PDE4DIP: variants seen among roughly 807,000 people sequenced by gnomAD.
The protein encoded by PDE4DIP is phosphodiesterase 4D interacting protein, also known as myomegalin.
Under a neutral mutation model 221.4 loss-of-function variants are expected in PDE4DIP, and 59 were observed. The observed-to-expected ratio is 0.27, with a 90% CI of 0.22 to 0.33. The LOEUF (loss-of-function observed/expected upper bound fraction) is 0.33. Among genes scored for constraint, PDE4DIP ranks in the 10% least tolerant of loss-of-function variants. PDE4DIP has a pLI of 1.00. For synonymous variants in PDE4DIP, 404 were observed against 815.9 expected (o/e 0.50, Z 8.60); for missense variants, 1,036 against 2,154.2 (o/e 0.48, Z 10.28).
At chr1:148,952,352 C>T (rs4556305) in intron 5 of PDE4DIP, 5 of 1,058,134 alleles carry the variant, frequency 4.7e-6, no homozygotes, top group Admixed American at 5.5e-5. Flanking sequence ...GACGCGAAGC[C>T]GCTGGCGCCA....
chr1:148,950,486 T>C (rs1353161109), intron 5 of PDE4DIP, among the ~76,000 whole-genome samples: 2 of 152,292 alleles, frequency 1.3e-5, no homozygotes, highest in African/African-American at 4.8e-5. Context: ...TGCATTGCTA[T>C]ACATACTTGA....
chr1:148,950,482 G>A (rs1262197008), intron 5 of PDE4DIP, among the ~76,000 whole-genome samples: 1 of 152,274 alleles, frequency 6.6e-6, no homozygotes, highest in Admixed American at 6.5e-5. Flanking sequence ...TTCTTGCATT[G>A]CTATACATAC....
At chr1:148,951,612 G>A (rs1289622315) in intron 5 of PDE4DIP, among the ~76,000 whole-genome samples, 1 of 151,932 alleles carries the variant, frequency 6.6e-6, no homozygotes, top group Non-Finnish European at 1.5e-5. Context: ...CTCTACCTGA[G>A]GGAAAGGGAC....
intron 35 of PDE4DIP, among the ~76,000 whole-genome samples, 162 bp from the exon 39 acceptor site, chr1:149,019,985 C>A (rs1397370277): frequency 6.6e-6 from 1 of 152,186 alleles, no homozygotes; most frequent in Non-Finnish European, 1.5e-5. Flanking sequence ...GCACCATGCT[C>A]CAGGCTCTGG....
intron 27 of PDE4DIP, chr1:149,006,598 G>A (rs1461746790): frequency 1.3e-5 from 2 of 151,472 alleles, no homozygotes; most frequent in African/African-American, 4.9e-5. Context: ...TGTGATACTG[G>A]TGCTGTAAGG....
chr1:148,972,781 G>C (rs2059448981), intron 16 of PDE4DIP, among the ~76,000 whole-genome samples, 189 bp downstream of exon 19: 1 of 151,990 alleles, frequency 6.6e-6, no homozygotes, highest in African/African-American at 2.4e-5. Context: ...TGATTGCTCT[G>C]GGTTCACAAT....
At chr1:148,941,378 C>A in intron 5 of PDE4DIP, among the ~76,000 whole-genome samples, 2 of 94,910 alleles carry the variant, frequency 2.1e-5, no homozygotes, top group Admixed American at 1.1e-4. Flanking sequence ...ATCGATGTTA[C>A]CAAAAATAAG....
intron 5 of PDE4DIP, among the ~76,000 whole-genome samples, chr1:148,958,397 G>A (rs1553504733): frequency 6.6e-6 from 1 of 152,038 alleles, no homozygotes; most frequent in Non-Finnish European, 1.5e-5. Flanking sequence ...CAAAACTTCT[G>A]TATGATTACC....
chr1:148,987,734 A>G (rs587770627), intron 21 of PDE4DIP, among the ~76,000 whole-genome samples: 17 of 152,120 alleles, frequency 1.1e-4, no homozygotes, highest in Admixed American at 2.6e-4. Flanking sequence ...AATTGGGGGG[A>G]AATGGTCTTG....
intron 5 of PDE4DIP, among the ~76,000 whole-genome samples, chr1:148,949,715 C>G (rs148687267): frequency 6.6e-6 from 1 of 152,036 alleles, no homozygotes; most frequent in Non-Finnish European, 1.5e-5. Context: ...TATCTACATA[C>G]CAGTGATCTT....
chr1:149,032,095 A>T (rs782231612), exon 44 of PDE4DIP: 5 of 1,600,126 alleles, frequency 3.1e-6, no homozygotes, highest in Non-Finnish European at 4.3e-6. Context: ...GCTGAGGAGC[A>T]TCTGGGCCTC....
intron 21 of PDE4DIP, chr1:148,990,515 G>T: frequency 8.5e-6 from 2 of 234,114 alleles, no homozygotes; most frequent in Non-Finnish European, 1.4e-5. Context: ...ATAAAGATCA[G>T]ATTTGTCACC....
chr1:148,824,159 T>TAATC (rs1670054925), intron 1 of PDE4DIP, among the ~76,000 whole-genome samples: 1 of 145,674 alleles, frequency 6.9e-6, no homozygotes, highest in Non-Finnish European at 1.5e-5. Context: ...TGGGAGCAGC[T>TAATC]TAGCTGGTTA....
intron 9 of PDE4DIP, among the ~76,000 whole-genome samples, chr1:148,963,200 G>A (rs2151739958): frequency 6.6e-6 from 1 of 152,282 alleles, no homozygotes; most frequent in East Asian, 1.9e-4. Context: ...CTATTTTATT[G>A]TTATTGTTAA....
At chr1:148,979,939 G>A in intron 20 of PDE4DIP, 90 bp downstream of exon 23, 2 of 1,476,032 alleles carry the variant, frequency 1.4e-6, no homozygotes, top group South Asian at 2.4e-5. Context: ...TTCATTAAGT[G>A]CAGATGCTTA....
chr1:148,915,138 GT>G lies in PDE4DIP; in HGVS notation c.142-14056del, dbSNP rs1238231792. Among the ~76,000 whole-genome samples, 95 of 104,582 alleles carry G rather than the reference GT, an allele frequency of 9.1e-4. 6 individuals are homozygous for G. Among genetic ancestry groups the G allele is most frequent in the African/African-American group, 2.6e-3 (90 of 34,768 alleles). 68.6% of individuals were successfully genotyped at this position (104,582 alleles called of 152,430 possible). Reference sequence around the variant, plus strand: ...GCCAGTGCTTTCTTCTGGTTTTTTTGTTTGTTTGTTTGTTTGTTTGTTTGTT... The same window carrying G: ...GCCAGTGCTTTCTTCTGGTTTTTTTGTTGTTTGTTTGTTTGTTTGTTTGTT... On this transcript the variant is annotated intron_variant, in intron 1 of 43. Transcript: ENST00000369354.
intron 1 of PDE4DIP, among the ~76,000 whole-genome samples, chr1:148,914,779 T>C (rs2149963458): frequency 7.3e-6 from 1 of 136,292 alleles, no homozygotes; most frequent in Non-Finnish European, 1.6e-5. Context: ...GGATGAATAA[T>C]TACTTTGAGT....
chr1:149,030,626 GC>G (rs1553636194), intron 43 of PDE4DIP: 1 of 816,030 alleles, frequency 1.2e-6, no homozygotes, highest in African/African-American at 1.9e-5. Flanking sequence ...CTCTGAATGA[GC>G]TTCTAGTAGA....
intron 5 of PDE4DIP, among the ~76,000 whole-genome samples, chr1:148,940,449 T>C (rs1315349056): frequency 1.3e-5 from 2 of 152,116 alleles, no homozygotes; most frequent in African/African-American, 4.8e-5. Flanking sequence ...CGCTGTTTGT[T>C]CTATAAGACA....
Sources: gnomAD v4.1 joint callset for allele counts (sites outside exome capture counted in the v4.1 genomes callset) on GRCh38, gnomAD v4.1.1 for gene constraint, MANE v1.5 for transcripts, NCBI Gene and HGNC (gene_info 2026-07-23, HGNC 2026-07-21) for gene names.